The following ELMO1 variants were observed in gnomAD, a reference collection of about 807,000 sequenced individuals.
The protein encoded by ELMO1 is engulfment and cell motility protein 1.
A neutral mutation model predicts 98.9 loss-of-function variants in ELMO1; 26 were observed. The ratio of observed to expected loss-of-function variants is 0.26; its 90% CI spans 0.19 to 0.36. ELMO1 has a LOEUF of 0.36. Among genes scored for constraint, ELMO1 ranks in the 10% least tolerant of loss-of-function variants. ELMO1 has a pLI of 1.00. For missense variants in ELMO1, 627 were observed against 935.2 expected, an observed-to-expected ratio of 0.67 and a Z score of 4.30; for synonymous variants, 346 against 346.0, an observed-to-expected ratio of 1.00 and a Z score of 0.00.
At chr7:36,969,810 C>A (rs1438728217) in intron 16 of ELMO1, among the ~76,000 whole-genome samples, 1 of 152,072 alleles carries the variant, frequency 6.6e-6, no homozygotes, top group Non-Finnish European at 1.5e-5. Flanking sequence ...CCAAAACAAA[C>A]TCTAAATAAA....
chr7:37,021,178 A>C (rs993831415), intron 15 of ELMO1, among the ~76,000 whole-genome samples: 2 of 152,036 alleles, frequency 1.3e-5, no homozygotes, highest in Non-Finnish European at 1.5e-5. Context: ...AAAAGAGGAG[A>C]GTGGGGTCAA....
chr7:36,959,309 C>T (rs963395818), intron 16 of ELMO1, among the ~76,000 whole-genome samples: 4 of 152,106 alleles, frequency 2.6e-5, no homozygotes, highest in African/African-American at 7.2e-5. Context: ...CTTTTAAAAT[C>T]TGGCAGATCA....
At chr7:36,877,984 G>A in intron 19 of ELMO1, 26 bp downstream of exon 19, 1 of 1,569,662 alleles carries the variant, frequency 6.4e-7, no homozygotes, top group Non-Finnish European at 8.8e-7. Flanking sequence ...CCACCACTCA[G>A]GCCTCTGCCA....
chr7:37,164,303 TGGTA>T (rs931523497), intron 13 of ELMO1, among the ~76,000 whole-genome samples: 1 of 152,210 alleles, frequency 6.6e-6, no homozygotes, highest in Non-Finnish European at 1.5e-5. Context: ...TTCACTCTGA[TGGTA>T]GTTTCTTTTG....
chr7:37,327,032 C>T (rs578226839), intron 2 of ELMO1, among the ~76,000 whole-genome samples: 3 of 152,320 alleles, frequency 2.0e-5, no homozygotes, highest in South Asian at 2.1e-4. Flanking sequence ...TCAAGAACAA[C>T]GTTTTTCCCC....
rs190142110 is a variant in ELMO1 at position 36,900,465 on chromosome 7, C to T, written c.1438-5448G>A. On this transcript the variant is annotated intron_variant, in intron 16 of 21. Transcript: ENST00000310758. ...TGTAGATTGACACAACAAATAAGTCCTTAGCAGAATTATGAGTCTGCCAAC... is the reference window on the plus strand; with the variant it reads ...TGTAGATTGACACAACAAATAAGTCTTTAGCAGAATTATGAGTCTGCCAAC... 1.7e-4 allele frequency among the ~76,000 whole-genome samples: 26 copies of T among 152,284 alleles called. No homozygotes were observed. The East Asian group carries it at 2.9e-3, about 17-fold the overall frequency.
rs1246569683 is a variant in ELMO1 at position 37,250,787 on chromosome 7, G to A, written c.414-6396C>T. 5.4e-4 allele frequency among the ~76,000 whole-genome samples: 63 copies of A among 116,252 alleles called. 1 individual carries two copies. Among genetic ancestry groups the A allele is most frequent in the Admixed American group, 3.0e-3 (31 of 10,436 alleles). The allele number at this position is 116,252 out of a possible 152,430, so 76.3% of individuals were successfully genotyped here. ...AGCCTGGGTGACAAAGCAAGACTCC[G>A]TCTCAAAAAAAAAAAAAAAAAAAAC... On this transcript the variant is annotated intron_variant, in intron 6 of 21. Coordinates refer to ENST00000310758, the MANE Select transcript of ELMO1 (RefSeq NM_014800.11).
At chr7:37,314,052 C>A (rs541601391) in intron 4 of ELMO1, among the ~76,000 whole-genome samples, 14 of 152,222 alleles carry the variant, frequency 9.2e-5, no homozygotes, top group Non-Finnish European at 1.8e-4. Context: ...TGTGGAAATT[C>A]CAAAAGACAA....
intron 2 of ELMO1, among the ~76,000 whole-genome samples, chr7:37,332,732 C>T (rs1291870598): frequency 1.3e-5 from 2 of 152,184 alleles, no homozygotes; most frequent in Non-Finnish European, 2.9e-5. Flanking sequence ...CAGAGTGGCA[C>T]TAAGCAAGGC....
intron 6 of ELMO1, among the ~76,000 whole-genome samples, chr7:37,256,187 C>T (rs1795631783): frequency 6.6e-6 from 1 of 152,124 alleles, no homozygotes; most frequent in Non-Finnish European, 1.5e-5. Flanking sequence ...TGACAACATC[C>T]AGGGTTTACA....
intron 16 of ELMO1, among the ~76,000 whole-genome samples, chr7:36,986,820 C>G (rs76116419): frequency 0.12 from 18,360 of 152,132 alleles, 1,324 homozygotes; most frequent in Middle Eastern, 0.19. Context: ...GCAAGCATTC[C>G]AGAGCATCCC....
intron 14 of ELMO1, among the ~76,000 whole-genome samples, chr7:37,109,765 G>A (rs1323010776): frequency 6.6e-6 from 1 of 152,078 alleles, no homozygotes; most frequent in Non-Finnish European, 1.5e-5. Flanking sequence ...ACACCCACCC[G>A]GTCTTCCCCA....
At chr7:37,292,105 G>A (rs1797722465) in intron 4 of ELMO1, among the ~76,000 whole-genome samples, 1 of 125,446 alleles carries the variant, frequency 8.0e-6, no homozygotes, top group Admixed American at 7.7e-5. Context: ...GCACCGCCAC[G>A]CCTGACTGGT....
intron 16 of ELMO1, among the ~76,000 whole-genome samples, chr7:36,919,067 T>G (rs1253714589): frequency 6.6e-6 from 1 of 152,176 alleles, no homozygotes; most frequent in Admixed American, 6.5e-5. Context: ...TCAGCTAACT[T>G]ATAGGAATTT....
intron 4 of ELMO1, among the ~76,000 whole-genome samples, chr7:37,279,841 A>T (rs1250501775): frequency 6.6e-6 from 1 of 152,164 alleles, no homozygotes; most frequent in Non-Finnish European, 1.5e-5. Flanking sequence ...TTTGCATGGG[A>T]GCTGGGTGAA....
intron 16 of ELMO1, among the ~76,000 whole-genome samples, chr7:36,961,632 CT>C (rs1327623690): frequency 1.3e-5 from 2 of 152,172 alleles, no homozygotes; most frequent in Admixed American, 6.5e-5. Context: ...GCTCAAAAAT[CT>C]TTTTCTTTTT....
chr7:37,023,050 C>G (rs999795724), intron 15 of ELMO1, among the ~76,000 whole-genome samples: 8 of 152,152 alleles, frequency 5.3e-5, no homozygotes, highest in Non-Finnish European at 8.8e-5. Flanking sequence ...AAGCTCAAAA[C>G]AGGCAAAATT....
At chr7:36,987,792 T>C (rs1013078305) in intron 16 of ELMO1, among the ~76,000 whole-genome samples, 6 of 152,274 alleles carry the variant, frequency 3.9e-5, no homozygotes, top group South Asian at 4.1e-4. Context: ...TTGTTTTGTT[T>C]TGACAGTCTT....
At chr7:36,978,259 GC>G (rs1483379102) in intron 16 of ELMO1, among the ~76,000 whole-genome samples, 2 of 151,698 alleles carry the variant, frequency 1.3e-5, no homozygotes, top group Non-Finnish European at 2.9e-5. Context: ...GCCCCAGGAA[GC>G]CACACCAGGG....
Sources: gnomAD v4.1 joint callset for allele counts (sites outside exome capture counted in the v4.1 genomes callset) on GRCh38, gnomAD v4.1.1 for gene constraint, MANE v1.5 for transcripts, NCBI Gene and HGNC (gene_info 2026-07-23, HGNC 2026-07-21) for gene names.